The following EFR3A variants were observed in gnomAD, a reference collection of about 807,000 sequenced individuals.
EFR3A encodes protein EFR3 homolog A.
In EFR3A, 76 loss-of-function variants were observed where a neutral mutation model predicts 104.4. The observed-to-expected ratio is 0.73, with a 90% CI of 0.60 to 0.88. EFR3A has a LOEUF of 0.88. Ranked by LOEUF, EFR3A falls within the 40% of genes least tolerant of loss-of-function variation. The pLI is 0.00. For missense variants in EFR3A, 985 were observed against 1,012.5 expected (o/e 0.97, Z 0.37); for synonymous variants, 330 against 330.0 (o/e 1.00, Z 0.00).
At position 131,995,704 on chromosome 8, in the gene EFR3A, TAGTC is replaced by T. The variant is rs566428676; in HGVS notation, c.2066-698_2066-695del. ...GGATTATAATTACAGGACTTCAGCA[TAGTC>T]AGTAGTGAAAAATCAGAGCAATTTG... On this transcript the variant is annotated intron_variant, in intron 18 of 22. Coordinates refer to ENST00000254624, the MANE Select transcript of EFR3A (RefSeq NM_015137.6). 1.9e-3 allele frequency among the ~76,000 whole-genome samples: 291 copies of T among 152,296 alleles called. No homozygotes were observed. The Middle Eastern group carries it at 0.02, about 11-fold the overall frequency.
intron 11 of EFR3A, among the ~76,000 whole-genome samples, chr8:131,976,465 A>G (rs1056525274): frequency 1.3e-5 from 2 of 152,144 alleles, no homozygotes; most frequent in African/African-American, 2.4e-5. Flanking sequence ...TCAATATATC[A>G]GAAATATTGG....
chr8:131,942,194 G>T (rs1818200166), intron 2 of EFR3A, among the ~76,000 whole-genome samples: 1 of 151,948 alleles, frequency 6.6e-6, no homozygotes, highest in South Asian at 2.1e-4. Context: ...CCTTATTTTT[G>T]CCAAGGATTT....
intron 1 of EFR3A, among the ~76,000 whole-genome samples, chr8:131,921,542 T>G (rs1586536666): frequency 6.6e-6 from 1 of 152,226 alleles, no homozygotes; most frequent in African/African-American, 2.4e-5. Context: ...AACAGACTTT[T>G]ACTTACAACA....
rs775929443 is a variant in EFR3A at position 131,978,943 on chromosome 8, C to T, written c.1423C>T (p.Leu475=). Residue 475 remains leucine, a synonymous_variant, in exon 13 of 23, where the codon CTG becomes TTG. Coordinates refer to ENST00000254624, the MANE Select transcript of EFR3A (RefSeq NM_015137.6). ...ACCATCTCTCATGGAGGACTACGAA[C>T]TGAGACAGTTGGTCTTGGAAGTAAT... ...LSPSLMEDYE[L]RQLVLEVMHN... The T allele has an allele frequency of 3.7e-6, 6 of 1,613,240 alleles. No homozygotes were observed. The highest frequency in any genetic ancestry group is 4.2e-6 in the Non-Finnish European group (5 of 1,179,366).
chr8:131,918,179 C>G (rs1816833792), intron 1 of EFR3A, among the ~76,000 whole-genome samples: 1 of 152,118 alleles, frequency 6.6e-6, no homozygotes, highest in Non-Finnish European at 1.5e-5. Context: ...TCCAGCTACT[C>G]AGGAGGCTGA....
In EFR3A at chr8:131,968,362, C is replaced by T. The variant is rs1563674770; in HGVS notation, c.923C>T (p.Pro308Leu). 1 of 1,613,522 alleles carries T rather than the reference C, an allele frequency of 6.2e-7. No homozygotes were observed. The highest frequency in any genetic ancestry group is 1.1e-5 in the South Asian group (1 of 91,052). Residue 308 changes from proline to leucine, a missense_variant, in exon 9 of 23, where the codon CCC becomes CTC. Coordinates refer to ENST00000254624, the MANE Select transcript of EFR3A (RefSeq NM_015137.6). ...GHLDARKKDA[P>L]RVRAGIIQVL... ...CTTGATGCTCGTAAAAAAGATGCTC[C>T]CCGGGTTCGAGCAGGTATTATTCAG...
chr8:131,956,201 A>G (rs1400360664), intron 7 of EFR3A, among the ~76,000 whole-genome samples: 1 of 152,148 alleles, frequency 6.6e-6, no homozygotes, highest in African/African-American at 2.4e-5. Flanking sequence ...TGAAATATTT[A>G]AACAAACAGT....
intron 12 of EFR3A, among the ~76,000 whole-genome samples, chr8:131,977,380 G>T (rs1428654329): frequency 6.6e-6 from 1 of 152,124 alleles, no homozygotes; most frequent in African/African-American, 2.4e-5. Context: ...GGAAGGAGTT[G>T]ATAAGGTCCA....
chr8:131,904,765 C>G lies in EFR3A; in HGVS notation c.10+443C>G, dbSNP rs570191706. ...CTTCCCGCGGCCGCCAGACAGACCC[C>G]CGACAGCCTAACTCGGCGTCCGTAT... On this transcript the variant is annotated intron_variant, in intron 1 of 22. Coordinates refer to ENST00000254624, the MANE Select transcript of EFR3A (RefSeq NM_015137.6). Among the ~76,000 whole-genome samples the G allele has an allele frequency of 4.1e-3, 624 of 152,356 alleles. 1 individual carries two copies. Among genetic ancestry groups the G allele is most frequent in the Non-Finnish European group, 6.7e-3 (455 of 68,034 alleles).
intron 20 of EFR3A, 51 bp downstream of exon 20, chr8:132,001,858 C>G (rs377006084): frequency 7.4e-6 from 11 of 1,485,796 alleles, no homozygotes; most frequent in Non-Finnish European, 8.4e-6. Context: ...TTATCTTTAT[C>G]TGCTGCTTTT....
chr8:131,964,066 G>C (rs1379839409), intron 8 of EFR3A, among the ~76,000 whole-genome samples: 3 of 152,148 alleles, frequency 2.0e-5, no homozygotes, highest in African/African-American at 7.2e-5. Flanking sequence ...TTGATGGGAC[G>C]TATCTCAAGA....
intron 18 of EFR3A, among the ~76,000 whole-genome samples, chr8:131,991,209 C>T (rs958016692): frequency 1.3e-5 from 2 of 152,110 alleles, no homozygotes; most frequent in Non-Finnish European, 2.9e-5. Context: ...TCTCATGAGA[C>T]TTATTCACTA....
At chr8:131,949,861 G>C (rs1286692219) in intron 4 of EFR3A, 108 bp from the exon 5 acceptor site, 1 of 1,029,166 alleles carries the variant, frequency 9.7e-7, no homozygotes. Flanking sequence ...TGTTTTGTTT[G>C]TTACTTATTT....
chr8:131,968,372 A>T lies in EFR3A; in HGVS notation c.933A>T (p.Arg311=). 3.1e-6 allele frequency: 5 copies of T among 1,613,692 alleles called. No individual in the cohort carries two copies. Among genetic ancestry groups the T allele is most frequent in the Non-Finnish European group, 4.2e-6 (5 of 1,179,678 alleles). ...GTAAAAAAGATGCTCCCCGGGTTCGAGCAGGTATTATTCAGGTTCTGTTAG... is the reference window on the plus strand; with the variant it reads ...GTAAAAAAGATGCTCCCCGGGTTCGTGCAGGTATTATTCAGGTTCTGTTAG... ...DARKKDAPRV[R]AGIIQVLLEA... The change falls in exon 9 of 23, where the codon CGA becomes CGT. Residue 311 remains arginine (R), a synonymous_variant. Coordinates refer to ENST00000254624, the MANE Select transcript of EFR3A (RefSeq NM_015137.6).
At chr8:131,965,667 T>C (rs1254184598) in intron 8 of EFR3A, among the ~76,000 whole-genome samples, 2 of 152,042 alleles carry the variant, frequency 1.3e-5, no homozygotes, top group Non-Finnish European at 2.9e-5. Flanking sequence ...TCCTCAGGGA[T>C]CTAGAACTAG....
intron 3 of EFR3A, among the ~76,000 whole-genome samples, chr8:131,946,175 C>G (rs1436323862): frequency 6.6e-6 from 1 of 151,820 alleles, no homozygotes; most frequent in Non-Finnish European, 1.5e-5. Flanking sequence ...GGTTAAAAGT[C>G]TGGAAAATAG....
chr8:131,963,692 A>G (rs1290857469), intron 8 of EFR3A, among the ~76,000 whole-genome samples: 3 of 152,228 alleles, frequency 2.0e-5, no homozygotes, highest in African/African-American at 7.2e-5. Flanking sequence ...ATCAATAGAA[A>G]AAGAGGGAAT....
intron 1 of EFR3A, 138 bp from the exon 2 acceptor site, chr8:131,940,361 T>G (rs780115173): frequency 3.7e-6 from 3 of 809,008 alleles, no homozygotes. Flanking sequence ...TAATCACTGA[T>G]TACATTTGTA....
At position 131,967,220 on chromosome 8, in the gene EFR3A, A is replaced by G. The variant is rs1426595990; in HGVS notation, c.856-1075A>G. Among the ~76,000 whole-genome samples, 4 of 152,156 alleles carry G rather than the reference A, an allele frequency of 2.6e-5. No individual in the cohort carries two copies. The East Asian group carries it at 7.7e-4, about 29-fold the overall frequency. ...AAACAAAGTAAAGATGAAAACACAA[A>G]CTTAGTTTTTACCTTGGGTGATTTT... On this transcript the variant is annotated intron_variant, in intron 8 of 22. Transcript: ENST00000254624.
Sources: gnomAD v4.1 joint callset for allele counts (sites outside exome capture counted in the v4.1 genomes callset) on GRCh38, gnomAD v4.1.1 for gene constraint, MANE v1.5 for transcripts, NCBI Gene and HGNC (gene_info 2026-07-23, HGNC 2026-07-21) for gene names.